The following LHFPL4 variants were observed in gnomAD, a reference collection of about 807,000 sequenced individuals.
LHFPL4 encodes LHFPL tetraspan subfamily member 4 protein.
A neutral mutation model predicts 20.0 loss-of-function variants in LHFPL4; 6 were observed. The observed-to-expected ratio is 0.30, with a 90% CI of 0.16 to 0.59. The LOEUF is 0.59. Among genes scored for constraint, LHFPL4 ranks in the 20% least tolerant of loss-of-function variants. LHFPL4 has a pLI of 0.88. For missense variants in LHFPL4, 215 were observed against 331.2 expected (o/e 0.65, Z 2.72); for synonymous variants, 129 against 143.8 (o/e 0.90, Z 0.74).
chr3:9,536,559 A>T (rs559298563), intron 2 of LHFPL4, among the ~76,000 whole-genome samples: 1 of 152,122 alleles, frequency 6.6e-6, no homozygotes, highest in South Asian at 2.1e-4. Context: ...AAGCCCCATG[A>T]CCTTCCTCCC....
At chr3:9,531,015 G>T (rs1327200661) in intron 2 of LHFPL4, among the ~76,000 whole-genome samples, 2 of 152,264 alleles carry the variant, frequency 1.3e-5, no homozygotes, top group Non-Finnish European at 2.9e-5. Context: ...TGTGTCTCAG[G>T]GAATAGGAAA....
intron 2 of LHFPL4, among the ~76,000 whole-genome samples, chr3:9,526,126 A>G (rs1303612439): frequency 6.6e-6 from 1 of 152,272 alleles, no homozygotes; most frequent in African/African-American, 2.4e-5. Context: ...TAAGCCAGTC[A>G]TGAAAGGACA....
Position 9,502,142 on chromosome 3 carries a change from G to A in LHFPL4, c.*69C>T, listed in dbSNP as rs1298288324. 6 of 1,091,966 alleles carry A rather than the reference G, an allele frequency of 5.5e-6. 1 individual carries two copies. The highest frequency in any genetic ancestry group is 8.4e-6 in the Non-Finnish European group (6 of 710,418). The allele number at this position is 1,091,966 out of a possible 1,614,324, so 67.6% of individuals were successfully genotyped here. On this transcript the variant is annotated 3_prime_UTR_variant, in exon 4 of 4. Transcript: ENST00000287585. ...AGGGTCTTCCCTCAGAGCTTGAATGGAGTGACGAGAGGGCAGAAGGCAGGA... is the reference window on the plus strand; with the variant it reads ...AGGGTCTTCCCTCAGAGCTTGAATGAAGTGACGAGAGGGCAGAAGGCAGGA...
chr3:9,536,239 G>A (rs1323435104), intron 2 of LHFPL4, among the ~76,000 whole-genome samples: 1 of 152,220 alleles, frequency 6.6e-6, no homozygotes, highest in African/African-American at 2.4e-5. Flanking sequence ...CTCCCTACCA[G>A]GTCTGAGCAC....
chr3:9,543,696 C>A (rs77074751), intron 2 of LHFPL4, among the ~76,000 whole-genome samples: 1 of 145,714 alleles, frequency 6.9e-6, no homozygotes, highest in Non-Finnish European at 1.5e-5. Flanking sequence ...CAGGCGACTA[C>A]GTTTTGGGGT....
chr3:9,502,254 C>A lies in LHFPL4; in HGVS notation c.701G>T (p.Trp234Leu). 6.2e-7 allele frequency: 1 copy of A among 1,614,054 alleles called. No homozygotes were observed. The change falls in exon 4 of 4, where the codon TGG (tryptophan) becomes TTG (leucine). Residue 234 changes from tryptophan to leucine, a missense_variant. By Grantham distance (61) the Trp-to-Leu change is moderately conservative. This residue lies in a region of LHFPL4 where 51 missense variants were observed against 44.5 expected (regional missense o/e 1.15). Transcript: ENST00000287585. ...VLRPGGDVSG[W>L]GVLPCPVAHS... is the part of the protein sequence containing the mutation. ...AGCCACGGGGCAGGGAAGGACTCCC[C>A]ATCCAGAGACATCACCCCCGGGCCG...
intron 2 of LHFPL4, among the ~76,000 whole-genome samples, chr3:9,536,003 G>T (rs1458629860): frequency 6.6e-6 from 1 of 152,104 alleles, no homozygotes; most frequent in Non-Finnish European, 1.5e-5. Context: ...GTTTCATCAT[G>T]TTGCCCAGGC....
intron 2 of LHFPL4, among the ~76,000 whole-genome samples, chr3:9,529,251 A>T (rs2046394574): frequency 2.0e-5 from 3 of 150,552 alleles, no homozygotes; most frequent in Admixed American, 2.0e-4. Flanking sequence ...CTGGTCTCGA[A>T]CTCCTGATCT....
intron 2 of LHFPL4, among the ~76,000 whole-genome samples, chr3:9,516,361 C>A (rs1182524459): frequency 6.6e-6 from 1 of 152,074 alleles, no homozygotes; most frequent in Non-Finnish European, 1.5e-5. Context: ...ATTGTGTTGC[C>A]TTTGAGCCTT....
Position 9,506,078 on chromosome 3 carries a change from T to G in LHFPL4, c.532A>C (p.Ile178Leu). 1 of 1,614,118 alleles carries G rather than the reference T, an allele frequency of 6.2e-7. No homozygotes were observed. Among genetic ancestry groups the G allele is most frequent in the Non-Finnish European group, 8.5e-7 (1 of 1,180,002 alleles). ...LGDCSVRWAY[I>L]LAIIGILNAL... ...TTGAGGATGCCGATGATGGCCAGGA[T>G]GTATGCCCAGCGCACTGAACAGTCC... The change falls in exon 3 of 4, where the codon ATC becomes CTC. Residue 178 changes from isoleucine to leucine, a missense_variant. Transcript: ENST00000287585. The surrounding 1 kb of genome is among the most constrained non-coding windows in gnomAD (Gnocchi z 4.5).
intron 2 of LHFPL4, among the ~76,000 whole-genome samples, chr3:9,538,638 G>A (rs2046457988): frequency 6.6e-6 from 1 of 151,852 alleles, no homozygotes; most frequent in African/African-American, 2.4e-5. Flanking sequence ...CAGAAATCAG[G>A]TAATATTCCT....
chr3:9,506,585 C>CGTTGTT lies in LHFPL4; in HGVS notation c.407-388_407-383dup. On this transcript the variant is annotated intron_variant, in intron 2 of 3. Coordinates refer to ENST00000287585, the MANE Select transcript of LHFPL4 (RefSeq NM_198560.3). This position sits in a 1 kb window ranked among gnomAD's most constrained non-coding sequence, Gnocchi z 4.5. Reference sequence around the variant, plus strand: ...TCCTCATTATTATTATTATTGTTGTCGTTGTTGTTGTTTGAGACGGAGTCT... The same window carrying CGTTGTT: ...TCCTCATTATTATTATTATTGTTGTCGTTGTTGTTGTTGTTGTTTGAGACGGAGTCT... Among the ~76,000 whole-genome samples, 1 of 152,024 alleles carries CGTTGTT rather than the reference C, an allele frequency of 6.6e-6. No homozygotes were observed. The highest frequency in any genetic ancestry group is 2.1e-4 in the South Asian group (1 of 4,824).
At chr3:9,509,335 A>C (rs2046242233) in intron 2 of LHFPL4, among the ~76,000 whole-genome samples, 1 of 145,158 alleles carries the variant, frequency 6.9e-6, no homozygotes, top group African/African-American at 2.6e-5. Flanking sequence ...TAGATCTTTC[A>C]GCACTTAACA....
Position 9,539,590 on chromosome 3 carries a change from T to C in LHFPL4, c.406+12684A>G, listed in dbSNP as rs1029349413. On this transcript the variant is annotated intron_variant, in intron 2 of 3. Coordinates refer to ENST00000287585, the MANE Select transcript of LHFPL4 (RefSeq NM_198560.3). ...TTCAGAGCCTTTCTAGGTATAACACTAAACCCAGCAACCATAAAAGAGGGA... is the reference window on the plus strand; with the variant it reads ...TTCAGAGCCTTTCTAGGTATAACACCAAACCCAGCAACCATAAAAGAGGGA... Among the ~76,000 whole-genome samples, 23 of 149,372 alleles carry C rather than the reference T, an allele frequency of 1.5e-4. 1 individual carries two copies. The highest frequency in any genetic ancestry group is 4.4e-5 in the Non-Finnish European group (3 of 67,582).
rs540739262 is a variant in LHFPL4, at chr3:9,534,292, C to T, written c.406+17982G>A. The stretch of plus-strand genomic sequence containing the variant: ...CATTGGAAATAACTTAAATGCCCAC[C>T]GATAGGTAACTGATTAGGTATAGTG... On this transcript the variant is annotated intron_variant, in intron 2 of 3. Transcript: ENST00000287585. Among the ~76,000 whole-genome samples, 11 of 151,940 alleles carry T rather than the reference C, an allele frequency of 7.2e-5. No homozygotes were observed. The South Asian group carries it at 1.9e-3, about 26-fold the overall frequency.
At chr3:9,547,680 A>T (rs887797494) in intron 2 of LHFPL4, among the ~76,000 whole-genome samples, 1 of 152,234 alleles carries the variant, frequency 6.6e-6, no homozygotes, top group African/African-American at 2.4e-5. Context: ...CGTAGCAGAG[A>T]TATCCTGCCT....
intron 2 of LHFPL4, among the ~76,000 whole-genome samples, chr3:9,535,678 A>G (rs986241941): frequency 1.3e-5 from 2 of 152,190 alleles, no homozygotes; most frequent in African/African-American, 4.8e-5. Context: ...CCTTCAATTT[A>G]GGAAGGTTTT....
At chr3:9,522,690 C>T (rs1255461382) in intron 2 of LHFPL4, among the ~76,000 whole-genome samples, 1 of 149,462 alleles carries the variant, frequency 6.7e-6, no homozygotes, top group African/African-American at 2.5e-5. Context: ...CTGCAGTGAG[C>T]CGAGATTGTG....
intron 2 of LHFPL4, among the ~76,000 whole-genome samples, chr3:9,525,030 G>T (rs1471708220): frequency 6.6e-6 from 1 of 152,110 alleles, no homozygotes; most frequent in Non-Finnish European, 1.5e-5. Flanking sequence ...GGACAGCATG[G>T]CTAGAGGCAG....
Sources: allele counts gnomAD v4.1 joint callset (sites outside exome capture counted in the v4.1 genomes callset), GRCh38; gene constraint gnomAD v4.1.1; regional missense constraint gnomAD v4.1.1; non-coding constraint Gnocchi (gnomAD v3.1); transcripts MANE v1.5; gene names NCBI Gene and HGNC (gene_info 2026-07-23, HGNC 2026-07-21).